Variants in GSK3B observed in about 807,000 individuals in gnomAD.
GSK3B encodes glycogen synthase kinase-3 beta.
GSK3B carries 15 observed loss-of-function variants against 56.4 expected under a neutral mutation model. That is an observed-to-expected ratio of 0.27 (90% CI 0.18 to 0.41). The LOEUF (loss-of-function observed/expected upper bound fraction) is 0.41, where lower values mean the gene tolerates loss of function less well. Among genes scored for constraint, GSK3B ranks in the 10% least tolerant of loss-of-function variants. The pLI is 1.00. For synonymous variants in GSK3B, 181 were observed against 188.9 expected (o/e 0.96, Z 0.34); for missense variants, 300 against 513.4 (o/e 0.58, Z 4.02).
intron 10 of GSK3B, among the ~76,000 whole-genome samples, chr3:119,833,687 G>GTTTTTTT (rs1162358136): frequency 7.5e-6 from 1 of 133,448 alleles, no homozygotes; most frequent in African/African-American, 2.9e-5. Context: ...GAAACATTAG[G>GTTTTTTT]TTGTTTTTTT....
intron 7 of GSK3B, among the ~76,000 whole-genome samples, chr3:119,897,435 C>T (rs968649478): frequency 6.6e-6 from 1 of 151,714 alleles, no homozygotes; most frequent in African/African-American, 2.4e-5. Context: ...ATGTGTAATA[C>T]CCACTTTCTA....
At chr3:119,934,296 C>G (rs1464286408) in intron 3 of GSK3B, among the ~76,000 whole-genome samples, 1 of 152,160 alleles carries the variant, frequency 6.6e-6, no homozygotes, top group Non-Finnish European at 1.5e-5. Context: ...CAGTATATGT[C>G]CTTGATATGA....
intron 1 of GSK3B, among the ~76,000 whole-genome samples, chr3:120,033,521 T>C (rs78883820): frequency 6.6e-6 from 1 of 152,192 alleles, no homozygotes; most frequent in African/African-American, 2.4e-5. Context: ...TCCTAATGAG[T>C]CTGAAGTGGT....
chr3:119,822,971 T>C lies in GSK3B; in HGVS notation c.*3817A>G, dbSNP rs551471417. ...AATACTCCTCTCAGAAACCTTTGCA[T>C]TGGTGCAGACAAGATGACTGGTTAG... is the stretch of plus-strand genomic sequence containing the variant. On this transcript the variant is annotated 3_prime_UTR_variant, in exon 11 of 11. Transcript: ENST00000264235. 6.1e-5 allele frequency: 14 copies of C among 229,426 alleles called. No individual in the cohort carries two copies. Among genetic ancestry groups the C allele is most frequent in the Non-Finnish European group, 1.1e-4 (13 of 115,714 alleles). 14.2% of individuals were successfully genotyped at this position (229,426 alleles called of 1,614,324 possible).
chr3:119,858,447 T>A (rs2056051770), intron 9 of GSK3B, among the ~76,000 whole-genome samples: 1 of 152,212 alleles, frequency 6.6e-6, no homozygotes, highest in Non-Finnish European at 1.5e-5. Flanking sequence ...GCTTCCTTCC[T>A]TAAGCCTCAT....
chr3:119,828,696 A>C (rs894818711), intron 10 of GSK3B, among the ~76,000 whole-genome samples: 1 of 152,250 alleles, frequency 6.6e-6, no homozygotes, highest in Non-Finnish European at 1.5e-5. Flanking sequence ...TCTATGATGG[A>C]TTAGCTGTTC....
intron 3 of GSK3B, among the ~76,000 whole-genome samples, chr3:119,945,829 T>C (rs1181782142): frequency 1.3e-5 from 2 of 152,052 alleles, no homozygotes; most frequent in Admixed American, 6.6e-5. Flanking sequence ...AAATAATTCT[T>C]ACCCAGGAGT....
At chr3:119,860,950 C>G (rs2056093794) in intron 9 of GSK3B, among the ~76,000 whole-genome samples, 2 of 152,206 alleles carry the variant, frequency 1.3e-5, no homozygotes, top group South Asian at 4.2e-4. Context: ...CTCACTAATA[C>G]CCCTCACCCT....
intron 7 of GSK3B, among the ~76,000 whole-genome samples, chr3:119,882,378 A>G (rs1053611780): frequency 3.9e-5 from 6 of 152,152 alleles, no homozygotes; most frequent in Non-Finnish European, 7.4e-5. Flanking sequence ...TTTACCTAAT[A>G]TTATGTTAAG....
At position 120,094,128 on chromosome 3, in the gene GSK3B, A is replaced by G. The variant is rs1326872592; in HGVS notation, c.-694T>C. On this transcript the variant is annotated 5_prime_UTR_variant, in exon 1 of 11. Transcript: ENST00000264235. ...GATCCAGCGGCCATGGCGGTGGCGG[A>G]GGCAGCTCCCTTCAGACCCCAGGCA... The G allele has an allele frequency of 8.7e-6, 2 of 228,792 alleles. No homozygotes were observed. Among genetic ancestry groups the G allele is most frequent in the African/African-American group, 2.3e-5 (1 of 44,334 alleles). The allele number at this position is 228,792 out of a possible 1,614,324, so 14.2% of individuals were successfully genotyped here. A position where few individuals can be genotyped will look rare whatever the true frequency, so the allele number is the denominator to read the frequency against.
At chr3:119,974,136 T>A (rs780706614) in intron 2 of GSK3B, among the ~76,000 whole-genome samples, 4 of 152,200 alleles carry the variant, frequency 2.6e-5, no homozygotes, top group Non-Finnish European at 4.4e-5. Flanking sequence ...TAGAAATGTC[T>A]GCTCTGAGGA....
intron 1 of GSK3B, among the ~76,000 whole-genome samples, chr3:120,009,881 C>G (rs2057763606): frequency 6.6e-6 from 1 of 151,974 alleles, no homozygotes; most frequent in African/African-American, 2.4e-5. Context: ...GATTCAAAAG[C>G]AATGAGGGAT....
intron 1 of GSK3B, among the ~76,000 whole-genome samples, chr3:120,006,065 T>C (rs1369502601): frequency 2.0e-5 from 3 of 151,362 alleles, no homozygotes; most frequent in Non-Finnish European, 4.4e-5. Context: ...AGGCTCAAAA[T>C]AAAGGGATGG....
intron 1 of GSK3B, among the ~76,000 whole-genome samples, chr3:120,043,095 T>C (rs1003788630): frequency 2.0e-5 from 3 of 152,202 alleles, no homozygotes; most frequent in African/African-American, 7.2e-5. Flanking sequence ...CCTGGAGCTC[T>C]CAGTCCATTA....
At chr3:119,896,749 C>T (rs761281532) in intron 7 of GSK3B, among the ~76,000 whole-genome samples, 21 of 152,130 alleles carry the variant, frequency 1.4e-4, no homozygotes, top group Non-Finnish European at 5.9e-5. Flanking sequence ...AAACATAGAT[C>T]CTGAAGTCAG....
At position 119,863,532 on chromosome 3, in the gene GSK3B, C is replaced by T. The variant is rs2056137181; in HGVS notation, c.983G>A (p.Arg328Gln). ...SRLLEYTPTA[R>Q]LTPLEACAHS... The stretch of plus-strand genomic sequence containing the variant: ...TGCACAAGCTTCCAGTGGTGTTAGT[C>T]GGGCAGTTGGTGTATACTCCAGCAG... Residue 328 changes from arginine (R) to glutamine (Q), a missense_variant, in exon 9 of 11, where the codon CGA (arginine) becomes CAA (glutamine). By Grantham distance (43) the Arg-to-Gln change is conservative (BLOSUM62 1). Around this residue, in one of 6 missense-constraint regions of GSK3B, gnomAD observed 38 missense variants for 58.3 expected, o/e 0.65. Coordinates refer to ENST00000264235, the MANE Select transcript of GSK3B (RefSeq NM_001146156.2). 6.2e-7 allele frequency: 1 copy of T among 1,613,428 alleles called. No individual in the cohort carries two copies. The highest frequency in any genetic ancestry group is 1.3e-5 in the African/African-American group (1 of 74,902).
At chr3:119,911,273 G>A (rs1207376801) in intron 6 of GSK3B, among the ~76,000 whole-genome samples, 1 of 152,182 alleles carries the variant, frequency 6.6e-6, no homozygotes. Flanking sequence ...CTTCTCTGGA[G>A]TAGTAGGTCT....
rs1157707173 is a variant in GSK3B at position 120,060,632 on chromosome 3, G to GCTT, written c.88+32714_88+32715insAAG. Among the ~76,000 whole-genome samples, 7 of 152,092 alleles carry GCTT rather than the reference G, an allele frequency of 4.6e-5. No individual in the cohort carries two copies. In the South Asian group the frequency reaches 1.5e-3, roughly 32 times the overall value. ...TCTCAGCTACTTGGAAGGCTGAGGT[G>GCTT]GAAGGATTGCTTGGGCCTGGGAGAT... On this transcript the variant is annotated intron_variant, in intron 1 of 10. Coordinates refer to ENST00000264235, the MANE Select transcript of GSK3B (RefSeq NM_001146156.2).
intron 2 of GSK3B, among the ~76,000 whole-genome samples, chr3:119,982,980 G>A (rs1204397532): frequency 4.6e-5 from 7 of 152,168 alleles, no homozygotes; most frequent in Admixed American, 2.6e-4. Flanking sequence ...AATCACAATC[G>A]GAAGGCCATC....
Sources: allele counts gnomAD v4.1 joint callset (sites outside exome capture counted in the v4.1 genomes callset), GRCh38; gene constraint gnomAD v4.1.1; regional missense constraint gnomAD v4.1.1; transcripts MANE v1.5; gene names NCBI Gene and HGNC (gene_info 2026-07-23, HGNC 2026-07-21).